The following MECR variants were observed in gnomAD, a reference collection of about 807,000 sequenced individuals.
The protein encoded by MECR is mitochondrial trans-2-enoyl-CoA reductase.
Under a neutral mutation model 49.1 loss-of-function variants are expected in MECR, and 37 were observed. The observed-to-expected ratio is 0.75, with a 90% CI of 0.58 to 0.99. The LOEUF is 0.99. MECR is among the 50% of genes least tolerant of loss of function. The probability of loss-of-function intolerance (pLI) is 0.00; values close to 1 mark genes in which losing one functional copy is unlikely to be tolerated. For synonymous variants in MECR, 198 were observed against 191.1 expected, an observed-to-expected ratio of 1.04 and a Z score of -0.30; for missense variants, 470 against 479.6, an observed-to-expected ratio of 0.98 and a Z score of 0.19.
chr1:29,181,293 C>G, the MECR span, among the ~76,000 whole-genome samples: 1 of 152,196 alleles, frequency 6.6e-6, no homozygotes. Flanking sequence ...TGGTGTCTAC[C>G]CAGAAACGAA....
chr1:29,168,191 ATT>A, the MECR span, among the ~76,000 whole-genome samples: 49,065 of 134,752 alleles, frequency 0.36, 9,192 homozygotes, highest in African/African-American at 0.47. Context: ...ATTTTTTGTA[ATT>A]TTTTTTTTTT....
chr1:29,189,727 A>G (rs189670584), downstream of MECR, among the ~76,000 whole-genome samples: 281 of 151,974 alleles, frequency 1.8e-3, no homozygotes, highest in African/African-American at 6.1e-3. Context: ...ATCTTTCTTT[A>G]GTGCTTCCCT....
At chr1:29,207,521 C>T (rs1230701132) in intron 3 of MECR, among the ~76,000 whole-genome samples, 1 of 150,416 alleles carries the variant, frequency 6.6e-6, no homozygotes, top group Non-Finnish European at 1.5e-5. Context: ...GGGAGGACTG[C>T]TTGAGGCCAG....
In MECR at chr1:29,216,611, G is replaced by A; in HGVS notation, c.251C>T (p.Pro84Leu). Residue 84 changes from proline to leucine, a missense_variant, in exon 2 of 10, where the codon CCA (proline) becomes CTA (leucine). By Grantham distance (98) the Pro-to-Leu change is moderately conservative (BLOSUM62 -3). Transcript: ENST00000263702. ...RVKMLAAPIN[P>L]SDINMIQGNY... The stretch of plus-strand genomic sequence containing the variant: ...ACCTTGGATCATATTTATGTCAGAT[G>A]GATTGATAGGGGCCGCCAGCATCTT... The A allele has an allele frequency of 1.2e-6, 2 of 1,614,188 alleles. No individual in the cohort carries two copies. Among genetic ancestry groups the A allele is most frequent in the South Asian group, 2.2e-5 (2 of 91,076 alleles).
chr1:29,175,386 C>CAG, the MECR span, among the ~76,000 whole-genome samples: 1 of 146,144 alleles, frequency 6.8e-6, no homozygotes, highest in African/African-American at 2.5e-5. Context: ...GGGCAACAGA[C>CAG]AGAGACTCCA....
chr1:29,192,994 G>A lies in MECR; in HGVS notation c.*1028C>T, dbSNP rs1412149317. 6.6e-6 allele frequency: 1 copy of A among 151,520 alleles called. No individual in the cohort carries two copies. The highest frequency in any genetic ancestry group is 1.5e-5 in the Non-Finnish European group (1 of 68,058). 9.4% of individuals were successfully genotyped at this position (151,520 alleles called of 1,614,324 possible). On this transcript the variant is annotated 3_prime_UTR_variant, in exon 10 of 10. Coordinates refer to ENST00000263702, the MANE Select transcript of MECR (RefSeq NM_016011.5). The stretch of plus-strand genomic sequence containing the variant: ...GGGTCTTGCTCTGTTGCCTAGGCTG[G>A]AATGCAGTGGCATGATCATGGCTCA...
the MECR span, among the ~76,000 whole-genome samples, chr1:29,174,101 A>T: frequency 1.3e-5 from 2 of 151,628 alleles, no homozygotes; most frequent in East Asian, 3.9e-4. Flanking sequence ...AGGCAGGAGA[A>T]CTGCTTGAAC....
the MECR span, among the ~76,000 whole-genome samples, chr1:29,176,480 TAAAAAC>T: frequency 0.01 from 1,270 of 125,546 alleles, 22 homozygotes; most frequent in African/African-American, 0.042. Flanking sequence ...AATTAAAAAC[TAAAAAC>T]TTTAAAAAAA....
Position 29,203,173 on chromosome 1 carries a change from G to A in MECR, c.611C>T (p.Ala204Val). 1.3e-6 allele frequency: 2 copies of A among 1,586,142 alleles called. No homozygotes were observed. The highest frequency in any genetic ancestry group is 1.7e-6 in the Non-Finnish European group (2 of 1,162,596). The change falls in exon 5 of 10, where the codon GCC becomes GTC. Residue 204 changes from alanine (A) to valine (V), a missense_variant. Physicochemically the swap from Ala to Val is moderately conservative, Grantham distance 64. Transcript: ENST00000263702. ...GATGGTTCTTAGGCCCAGGGCTGCG[G>A]CGATCTGGATGACTGCTTGCCCCAC... ...SGVGQAVIQI[A>V]AALGLRTINV...
the MECR span, chr1:29,181,839 G>A: frequency 2.2e-4 from 239 of 1,082,892 alleles, 1 homozygote; most frequent in East Asian, 7.6e-3. Flanking sequence ...CAGCGGCGGC[G>A]GCGGCAACGG....
the MECR span, chr1:29,172,202 G>GT: frequency 2.0e-5 from 3 of 152,118 alleles, no homozygotes; most frequent in Admixed American, 6.6e-5. Context: ...AACAATGACA[G>GT]AATGCTACTT....
intron 1 of MECR, among the ~76,000 whole-genome samples, chr1:29,228,122 T>C (rs756512409): frequency 3.9e-5 from 6 of 152,046 alleles, no homozygotes; most frequent in Non-Finnish European, 8.8e-5. Context: ...ACACCTGCAA[T>C]CCCTGCTACT....
At chr1:29,229,838 T>C (rs896363423) in intron 1 of MECR, among the ~76,000 whole-genome samples, 1 of 152,222 alleles carries the variant, frequency 6.6e-6, no homozygotes, top group Non-Finnish European at 1.5e-5. Context: ...ATAGCCCTTC[T>C]GAATGGCTAT....
At chr1:29,195,497 T>C (rs1244420192) in intron 9 of MECR, among the ~76,000 whole-genome samples, 1 of 152,194 alleles carries the variant, frequency 6.6e-6, no homozygotes, top group East Asian at 1.9e-4. Flanking sequence ...ACTTAACCAC[T>C]CTGAACCTCA....
intron 1 of MECR, among the ~76,000 whole-genome samples, chr1:29,229,407 G>C (rs1200951399): frequency 6.6e-6 from 1 of 152,110 alleles, no homozygotes; most frequent in African/African-American, 2.4e-5. Flanking sequence ...GTTTCGCCAC[G>C]TTGGCCAGGC....
chr1:29,218,809 C>G (rs1451205614), intron 1 of MECR, among the ~76,000 whole-genome samples: 1 of 152,102 alleles, frequency 6.6e-6, no homozygotes, highest in Non-Finnish European at 1.5e-5. Context: ...GACGGGGAGC[C>G]CTTGTAATAG....
In MECR at chr1:29,206,726, G is replaced by A. The variant is rs3738063; in HGVS notation, c.550+36C>T. The A allele has an allele frequency of 1.2e-4, 190 of 1,609,678 alleles. 5 individuals carry two copies. In the East Asian group the frequency reaches 4.2e-3, roughly 35 times the overall value. On this transcript the variant is annotated intron_variant, in intron 4 of 9. Transcript: ENST00000263702. The stretch of plus-strand genomic sequence containing the variant: ...GATGTGAGTGGCACCCTAGTTGCGA[G>A]ACCCTGGCCTGCTCCCCCAACCTGT...
intron 1 of MECR, among the ~76,000 whole-genome samples, chr1:29,217,854 C>T (rs556108765): frequency 1.3e-4 from 20 of 152,234 alleles, no homozygotes; most frequent in African/African-American, 4.3e-4. Flanking sequence ...CAAAGAACTC[C>T]CTGGATGGCT....
chr1:29,216,456 T>C, intron 2 of MECR, 132 bp downstream of exon 2: 1 of 967,546 alleles, frequency 1.0e-6, no homozygotes, highest in Non-Finnish European at 1.6e-6. Context: ...TGACACAGCC[T>C]GCAGACGGCT....
Sources: gnomAD v4.1 joint callset for allele counts (sites outside exome capture counted in the v4.1 genomes callset) on GRCh38, gnomAD v4.1.1 for gene constraint, MANE v1.5 for transcripts, NCBI Gene and HGNC (gene_info 2026-07-23, HGNC 2026-07-21) for gene names.